CHODL: variants seen among roughly 807,000 people sequenced by gnomAD.
The protein encoded by CHODL is transmembrane protein MT75.
In CHODL, 29 loss-of-function variants were observed where a neutral mutation model predicts 34.5. The observed-to-expected ratio is 0.84, with a 90% CI of 0.63 to 1.15. The LOEUF (loss-of-function observed/expected upper bound fraction) is 1.15, where lower values mean the gene tolerates loss of function less well. Among genes scored for constraint, CHODL ranks in the 50% most tolerant of loss-of-function variants. The pLI, the probability that CHODL is intolerant of heterozygous loss-of-function variation, is 0.00. For synonymous variants in CHODL, 125 were observed against 116.1 expected, an observed-to-expected ratio of 1.08 and a Z score of -0.49; for missense variants, 332 against 332.5, an observed-to-expected ratio of 1.00 and a Z score of 0.01.
chr21:18,023,090 G>A (rs1218023756), intron 1 of CHODL, among the ~76,000 whole-genome samples: 1 of 152,206 alleles, frequency 6.6e-6, no homozygotes, highest in Non-Finnish European at 1.5e-5. Context: ...CAGCACTGGA[G>A]TGTCTGTCTA....
At chr21:18,248,694 C>CATATATATGTATATATTATATAT (rs1229813623) in intron 1 of CHODL, among the ~76,000 whole-genome samples, 1 of 108,044 alleles carries the variant, frequency 9.3e-6, no homozygotes, top group Non-Finnish European at 1.7e-5. Context: ...ATATTATATA[C>CATATATATGTATATATTATATAT]ATATATATGT....
intron 2 of CHODL, among the ~76,000 whole-genome samples, chr21:18,029,934 T>C (rs2064227667): frequency 6.6e-6 from 1 of 152,130 alleles, no homozygotes; most frequent in African/African-American, 2.4e-5. Context: ...GGCTGTGTTA[T>C]TAGCTTTTAT....
At chr21:18,254,134 CTT>C (rs34046207) in intron 1 of CHODL, among the ~76,000 whole-genome samples, 1 of 145,512 alleles carries the variant, frequency 6.9e-6, no homozygotes. Flanking sequence ...AGTTTGAATG[CTT>C]TTTTTTTTTG....
intron 2 of CHODL, among the ~76,000 whole-genome samples, chr21:18,189,802 T>G (rs1241433257): frequency 6.6e-6 from 1 of 151,850 alleles, no homozygotes; most frequent in Admixed American, 6.6e-5. Context: ...GCCCGGCTAA[T>G]TTTTGTATTT....
rs111964274 is a variant in CHODL at position 18,070,888 on chromosome 21, C to CT, written c.-45+42928dup. ...ATAACCAAAATAGTATTATAGTATC[C>CT]TTTTTTTTTTTGTTTACTCCAATTA... On this transcript the variant is annotated intron_variant, in intron 2 of 6. Transcript: ENST00000400127. Among the ~76,000 whole-genome samples, 838 of 144,702 alleles carry CT rather than the reference C, an allele frequency of 5.8e-3. 4 individuals are homozygous for CT. The highest frequency in any genetic ancestry group is 0.014 in the African/African-American group (575 of 39,676). 94.9% of individuals were successfully genotyped at this position (144,702 alleles called of 152,430 possible).
chr21:17,921,790 G>T (rs2063185135), intron 1 of CHODL, among the ~76,000 whole-genome samples: 1 of 152,122 alleles, frequency 6.6e-6, no homozygotes, highest in African/African-American at 2.4e-5. Flanking sequence ...AGGAATTTTT[G>T]GTACAAGTCC....
At chr21:17,933,784 T>C (rs1261428487) in intron 1 of CHODL, among the ~76,000 whole-genome samples, 1 of 152,118 alleles carries the variant, frequency 6.6e-6, no homozygotes, top group East Asian at 1.9e-4. Flanking sequence ...CTCACACCTG[T>C]AACCCCAGCA....
At chr21:18,080,461 C>CA (rs1342551687) in intron 2 of CHODL, among the ~76,000 whole-genome samples, 1 of 152,086 alleles carries the variant, frequency 6.6e-6, no homozygotes, top group Non-Finnish European at 1.5e-5. Flanking sequence ...TTGATAGTTT[C>CA]AAGTTCTATA....
chr21:18,069,978 C>G (rs1306274283), intron 2 of CHODL, among the ~76,000 whole-genome samples: 1 of 135,026 alleles, frequency 7.4e-6, no homozygotes, highest in Non-Finnish European at 1.6e-5. Context: ...TCTTTCCCTC[C>G]TTTTCTTTCC....
intron 1 of CHODL, among the ~76,000 whole-genome samples, chr21:18,255,417 C>A (rs922722094): frequency 6.6e-6 from 1 of 151,978 alleles, no homozygotes; most frequent in African/African-American, 2.4e-5. Context: ...TAGAGGAAGA[C>A]ATTGTTATTT....
intron 2 of CHODL, among the ~76,000 whole-genome samples, chr21:18,070,027 C>CCTTCCCTTCCCA (rs1380432271): frequency 1.5e-5 from 1 of 68,636 alleles, no homozygotes; most frequent in Non-Finnish European, 3.2e-5. Flanking sequence ...CCCTTCCCTC[C>CCTTCCCTTCCCA]CCCCCCCCAC....
intron 2 of CHODL, among the ~76,000 whole-genome samples, chr21:18,062,883 G>A (rs116418463): frequency 0.018 from 2,776 of 152,104 alleles, 75 homozygotes; most frequent in African/African-American, 0.064. Flanking sequence ...GTCAGAGAAA[G>A]AGAGAAAAGG....
chr21:18,233,513 A>G (rs545200007), intron 2 of CHODL, among the ~76,000 whole-genome samples: 15 of 152,116 alleles, frequency 9.9e-5, no homozygotes, highest in Non-Finnish European at 1.6e-4. Flanking sequence ...ATACATGGTA[A>G]CTATTAATTG....
At chr21:18,188,590 A>G (rs73893015) in intron 2 of CHODL, among the ~76,000 whole-genome samples, 4,109 of 152,354 alleles carry the variant, frequency 0.027, 205 homozygotes, top group African/African-American at 0.092. Flanking sequence ...GTTTCCCACC[A>G]TCAGAAGCAA....
At chr21:18,080,053 T>C (rs1273695468) in intron 2 of CHODL, among the ~76,000 whole-genome samples, 1 of 152,094 alleles carries the variant, frequency 6.6e-6, no homozygotes, top group Non-Finnish European at 1.5e-5. Flanking sequence ...ATGGTATCTC[T>C]TGTGGTTTTG....
intron 2 of CHODL, among the ~76,000 whole-genome samples, chr21:18,210,027 A>G (rs2073756363): frequency 6.6e-6 from 1 of 152,208 alleles, no homozygotes; most frequent in Admixed American, 6.5e-5. Context: ...TCCTAAGTCC[A>G]CTGGCTCTGA....
At chr21:18,226,933 G>A (rs775723419) in intron 2 of CHODL, among the ~76,000 whole-genome samples, 5 of 152,054 alleles carry the variant, frequency 3.3e-5, no homozygotes, top group Non-Finnish European at 7.4e-5. Context: ...AAGTGAAATA[G>A]CTGTCTTAGT....
chr21:18,134,481 A>G (rs1397295319), intron 2 of CHODL: 1 of 444,150 alleles, frequency 2.3e-6, no homozygotes, highest in Non-Finnish European at 4.5e-6. Context: ...AATACATTGA[A>G]CTGTATACAA....
chr21:17,975,955 A>G (rs998364596), intron 1 of CHODL, among the ~76,000 whole-genome samples: 7 of 152,246 alleles, frequency 4.6e-5, no homozygotes, highest in African/African-American at 1.7e-4. Flanking sequence ...AATTTTGAAT[A>G]ATCAAATTTA....
Sources: gnomAD v4.1 joint callset for allele counts (sites outside exome capture counted in the v4.1 genomes callset) on GRCh38, gnomAD v4.1.1 for gene constraint, MANE v1.5 for transcripts, NCBI Gene and HGNC (gene_info 2026-07-23, HGNC 2026-07-21) for gene names.